Variants in ALG13 observed in about 807,000 individuals in gnomAD.
ALG13 encodes ALG13 UDP-N-acetylglucosaminyltransferase subunit, also known as UDP-N-acetylglucosamine transferase subunit ALG13.
Under a neutral mutation model 87.8 loss-of-function variants are expected in ALG13, and 11 were observed. The ratio of observed to expected loss-of-function variants is 0.13; its 90% CI spans 0.08 to 0.21. The LOEUF is 0.21. ALG13 is among the 10% of genes least tolerant of loss of function. The pLI, the probability that ALG13 is intolerant of heterozygous loss-of-function variation, is 1.00. For missense variants in ALG13, 756 were observed against 866.1 expected, an observed-to-expected ratio of 0.87 and a Z score of 1.60; for synonymous variants, 320 against 306.3, an observed-to-expected ratio of 1.04 and a Z score of -0.47.
At chrX:111,719,271 C>T (rs200473434) in intron 10 of ALG13, among the ~76,000 whole-genome samples, 3 of 110,428 alleles carry the variant, frequency 2.7e-5, no homozygotes, top group East Asian at 2.9e-4. Context: ...GTGATCCATC[C>T]GCCTCGGCCT....
Position 111,722,299 on chromosome X carries a change from C to T in ALG13, c.1436-494C>T, listed in dbSNP as rs933391481. 2.7e-5 allele frequency among the ~76,000 whole-genome samples: 3 copies of T among 111,523 alleles called. No homozygotes were observed. The East Asian group carries it at 8.5e-4, about 32-fold the overall frequency. ...AGTTTACCAACCCTTGAAAATAGGTCATTGTTTCTCTCCTTATAAGATAAC... is the reference window on the plus strand; with the variant it reads ...AGTTTACCAACCCTTGAAAATAGGTTATTGTTTCTCTCCTTATAAGATAAC... On this transcript the variant is annotated intron_variant, in intron 12 of 26. Coordinates refer to ENST00000394780, the MANE Select transcript of ALG13 (RefSeq NM_001099922.3).
At position 111,723,830 on chromosome X, in the gene ALG13, T is replaced by C. The variant is rs752198818; in HGVS notation, c.1533T>C (p.Asn511=). The change falls in exon 14 of 27, where the codon AAT becomes AAC. Residue 511 remains asparagine (N), a synonymous_variant. Transcript: ENST00000394780. ...TGGAATCAGAAGGAAGATATTATAATGCTCATATCCAGGAAGTTGGAAATG... is the reference window on the plus strand; with the variant it reads ...TGGAATCAGAAGGAAGATATTATAACGCTCATATCCAGGAAGTTGGAAATG... ...VCLESEGRYY[N]AHIQEVGNEN... is the part of the protein sequence containing the mutation. 8.4e-7 allele frequency: 1 copy of C among 1,186,459 alleles called. No individual in the cohort carries two copies. The highest frequency in any genetic ancestry group is 2.3e-5 in the Admixed American group (1 of 42,631).
chrX:111,718,100 T>A lies in ALG13; in HGVS notation c.1088-12T>A. 8.7e-7 allele frequency: 1 copy of A among 1,154,021 alleles called. No homozygotes were observed. The highest frequency in any genetic ancestry group is 1.2e-6 in the Non-Finnish European group (1 of 864,722). ...ATTTTGACAATTGGAATTTTGACCA[T>A]TTTTTCTTCAGCTGTATTGTACGAA... On this transcript the variant is annotated splice_polypyrimidine_tract_variant and intron_variant, in intron 9 of 26. Transcript: ENST00000394780.
At chrX:111,696,638 C>T (rs1286258329) in intron 3 of ALG13, among the ~76,000 whole-genome samples, 3 of 111,522 alleles carry the variant, frequency 2.7e-5, no homozygotes, top group Non-Finnish European at 5.7e-5. Context: ...ACTACAGTTT[C>T]CTTGTTTATC....
intron 5 of ALG13, among the ~76,000 whole-genome samples, chrX:111,710,292 C>T (rs1485167626): frequency 9.0e-6 from 1 of 111,285 alleles, no homozygotes; most frequent in African/African-American, 3.3e-5. Flanking sequence ...CTTGGCCTCC[C>T]AAAGTGCTGG....
At chrX:111,736,653 A>G in intron 22 of ALG13, 61 bp from the exon 23 acceptor site, 2 of 1,056,303 alleles carry the variant, frequency 1.9e-6, no homozygotes, top group Middle Eastern at 2.9e-4. Context: ...GTTTAGGATC[A>G]GATAATCTAC....
At chrX:111,683,068 C>G (rs1311389661) in intron 2 of ALG13, among the ~76,000 whole-genome samples, 1 of 109,151 alleles carries the variant, frequency 9.2e-6, no homozygotes, top group Non-Finnish European at 1.9e-5. Context: ...ACATTACCAA[C>G]AGATTCGTGA....
intron 13 of ALG13, among the ~76,000 whole-genome samples, chrX:111,723,570 GAAA>G (rs201015901): frequency 9.4e-6 from 1 of 106,557 alleles, no homozygotes; most frequent in East Asian, 2.9e-4. Flanking sequence ...ACACCCAGCC[GAAA>G]AAAAAAATGT....
rs1287742371 is a variant in ALG13, at chrX:111,751,371, G to A, written c.2933-1419G>A. 2.2e-4 allele frequency among the ~76,000 whole-genome samples: 25 copies of A among 111,995 alleles called. No individual in the cohort carries two copies. The Admixed American group carries it at 2.3e-3, about 10-fold the overall frequency. On this transcript the variant is annotated intron_variant, in intron 24 of 26. Transcript: ENST00000394780. ...CCTGGGCCACCACGCCCGGCCATAA[G>A]CATAACGCCCAGTACATAAGCATAT...
At chrX:111,750,879 G>T (rs1421945966) in intron 24 of ALG13, among the ~76,000 whole-genome samples, 1 of 109,055 alleles carries the variant, frequency 9.2e-6, no homozygotes, top group Non-Finnish European at 1.9e-5. Flanking sequence ...ATGTTGGCCA[G>T]GCTGGTCTCG....
intron 1 of ALG13, chrX:111,681,617 G>C (rs897759964): frequency 4.8e-5 from 45 of 932,697 alleles, no homozygotes; most frequent in Non-Finnish European, 5.9e-5. Context: ...CCTTCCAACG[G>C]CTCCGCCCCT....
At chrX:111,708,810 A>T (rs978734690) in intron 4 of ALG13, among the ~76,000 whole-genome samples, 155 bp from the exon 5 acceptor site, 1 of 112,141 alleles carries the variant, frequency 8.9e-6, no homozygotes, top group Non-Finnish European at 1.9e-5. Context: ...GTTGAAGATG[A>T]TATTAAAAAA....
At position 111,727,412 on chromosome X, in the gene ALG13, G is replaced by A. The variant is rs767698446; in HGVS notation, c.2057G>A (p.Cys686Tyr). ...DFYPGPGKRC[C>Y]QSYDNFSYRS... ...TACCCAGGCCCAGGTAAAAGGTGCT[G>A]CCAGAGCTATGATAACTTCTCTTAT... The change falls in exon 17 of 27, where the codon TGC (cysteine) becomes TAC (tyrosine). Residue 686 changes from cysteine to tyrosine, a missense_variant. Around this residue, in one of 9 missense-constraint regions of ALG13, gnomAD observed 362 missense variants for 383.5 expected, o/e 0.94. Coordinates refer to ENST00000394780, the MANE Select transcript of ALG13 (RefSeq NM_001099922.3). The A allele has an allele frequency of 8.3e-7, 1 of 1,208,551 alleles. No homozygotes were observed. Among genetic ancestry groups the A allele is most frequent in the South Asian group, 1.8e-5 (1 of 56,387 alleles).
rs1011792873 is a variant in ALG13 at position 111,689,315 on chromosome X, CAT to C, written c.383+4214_383+4215del. ...GAATCTTTAGTGTTTTCTGGGCCCT[CAT>C]AAATACGTTTTTCTCATTTGAGAAA... On this transcript the variant is annotated intron_variant, in intron 3 of 26. Transcript: ENST00000394780. The C allele has an allele frequency of 5.3e-6, 4 of 751,585 alleles. No individual in the cohort carries two copies. The African/African-American group carries it at 9.3e-5, about 17-fold the overall frequency. The allele number at this position is 751,585 out of a possible 1,213,427, so 61.9% of individuals were successfully genotyped here. A position where few individuals can be genotyped will look rare whatever the true frequency, so the allele number is the denominator to read the frequency against.
Position 111,730,308 on chromosome X carries a change from G to A in ALG13, c.2369-87G>A, listed in dbSNP as rs1942536557. ...TTGAACATATAACCATAAAACTGGT[G>A]GAAAAAGCAAGTGCTGGCCATTTGG... On this transcript the variant is annotated intron_variant, in intron 19 of 26. Coordinates refer to ENST00000394780, the MANE Select transcript of ALG13 (RefSeq NM_001099922.3). 7 of 849,266 alleles carry A rather than the reference G, an allele frequency of 8.2e-6. No individual in the cohort carries two copies. The Admixed American group carries it at 1.1e-4, about 13-fold the overall frequency. The allele number at this position is 849,266 out of a possible 1,213,427, so 70.0% of individuals were successfully genotyped here.
intron 3 of ALG13, chrX:111,689,441 A>G: frequency 2.7e-6 from 2 of 753,031 alleles, no homozygotes; most frequent in Non-Finnish European, 3.1e-6. Flanking sequence ...TCAGACAACT[A>G]AAAGGCTATA....
intron 3 of ALG13, 59 bp from the exon 4 acceptor site, chrX:111,707,968 C>T (rs1252020511): frequency 1.8e-6 from 2 of 1,123,369 alleles, no homozygotes; most frequent in African/African-American, 1.8e-5. Flanking sequence ...TCCCATGTCT[C>T]CTGCTTAGTC....
At chrX:111,734,249 A>G (rs1001433913) in intron 21 of ALG13, 3 of 112,762 alleles carry the variant, frequency 2.7e-5, no homozygotes, top group Non-Finnish European at 5.6e-5. Context: ...CTAAGAAATC[A>G]TGAACATTTA....
chrX:111,739,767 G>C (rs1372055736), intron 23 of ALG13, among the ~76,000 whole-genome samples: 1 of 112,772 alleles, frequency 8.9e-6, no homozygotes, highest in South Asian at 3.7e-4. Context: ...GTCAAGCAGG[G>C]TAATCACTAG....
Sources: gnomAD v4.1 joint callset for allele counts (sites outside exome capture counted in the v4.1 genomes callset) on GRCh38, gnomAD v4.1.1 for gene constraint, gnomAD v4.1.1 regional missense constraint, MANE v1.5 for transcripts, NCBI Gene and HGNC (gene_info 2026-07-23, HGNC 2026-07-21) for gene names.